The following ZFYVE1 variants were observed in gnomAD, a reference collection of about 807,000 sequenced individuals.
The protein encoded by ZFYVE1 is zinc finger FYVE-type containing 1, also known as zinc finger FYVE domain-containing protein 1.
ZFYVE1 carries 30 observed loss-of-function variants against 74.4 expected under a neutral mutation model. The observed-to-expected ratio is 0.40, with a 90% CI of 0.30 to 0.55. The LOEUF (loss-of-function observed/expected upper bound fraction) is 0.55, where lower values mean the gene tolerates loss of function less well. ZFYVE1 is among the 20% of genes least tolerant of loss of function. ZFYVE1 has a pLI of 0.42. For synonymous variants in ZFYVE1, 335 were observed against 385.1 expected (o/e 0.87, Z 1.52); for missense variants, 703 against 1,011.6 (o/e 0.69, Z 4.14).
At chr14:72,998,460 AC>A (rs1893800787) in intron 2 of ZFYVE1, 145 bp from the exon 3 acceptor site, 1 of 703,120 alleles carries the variant, frequency 1.4e-6, no homozygotes, top group African/African-American at 1.8e-5. Flanking sequence ...CCCCACCTCC[AC>A]CCTTAGCAAA....
intron 2 of ZFYVE1, 68 bp from the exon 3 acceptor site, chr14:72,998,383 G>A (rs2140368176): frequency 2.2e-6 from 3 of 1,380,410 alleles, no homozygotes; most frequent in Non-Finnish European, 1.9e-6. Context: ...CCTACAAGAA[G>A]AAGTGCTTCC....
At chr14:73,013,022 C>A (rs968958940) in intron 2 of ZFYVE1, among the ~76,000 whole-genome samples, 1 of 152,136 alleles carries the variant, frequency 6.6e-6, no homozygotes, top group South Asian at 2.1e-4. Flanking sequence ...TCTGTAACTT[C>A]ATGCCAGAAC....
intron 2 of ZFYVE1, among the ~76,000 whole-genome samples, chr14:73,023,329 AT>A (rs1395491374): frequency 0.19 from 16,898 of 86,938 alleles, 2,311 homozygotes; most frequent in Non-Finnish European, 0.24. Flanking sequence ...TATAATATAT[AT>A]TATATATGTT....
chr14:73,003,265 C>T (rs1208136868), intron 2 of ZFYVE1, among the ~76,000 whole-genome samples: 1 of 151,952 alleles, frequency 6.6e-6, no homozygotes, highest in Non-Finnish European at 1.5e-5. Context: ...GCCATGTTTG[C>T]CAGGCTGGTC....
intron 4 of ZFYVE1, among the ~76,000 whole-genome samples, chr14:72,990,863 G>A (rs1487833603): frequency 2.0e-5 from 3 of 151,480 alleles, no homozygotes; most frequent in African/African-American, 4.9e-5. Context: ...ACCACGCCCA[G>A]CTAATTTTTG....
At chr14:73,023,276 TTATATATGTTTTATATATAATATATATTA>T (rs1567366728) in intron 2 of ZFYVE1, among the ~76,000 whole-genome samples, 15 of 88,344 alleles carry the variant, frequency 1.7e-4, no homozygotes, top group Middle Eastern at 5.0e-3. Flanking sequence ...ATAATATATA[TTATATATGTTTTATATATAATATATATTA>T]TATATGTTTT....
intron 5 of ZFYVE1, among the ~76,000 whole-genome samples, chr14:72,980,512 A>T (rs1893292108): frequency 6.6e-6 from 1 of 152,038 alleles, no homozygotes; most frequent in Non-Finnish European, 1.5e-5. Context: ...CCCCATGAAC[A>T]TCAGCATCAC....
chr14:73,022,560 C>T (rs3742829), intron 2 of ZFYVE1, among the ~76,000 whole-genome samples: 39,307 of 151,978 alleles, frequency 0.26, 5,687 homozygotes, highest in African/African-American at 0.39. Context: ...ACTGGTACTT[C>T]ACAGGATTGT....
intron 2 of ZFYVE1, among the ~76,000 whole-genome samples, chr14:73,011,394 G>C (rs920142719): frequency 2.0e-5 from 3 of 152,136 alleles, no homozygotes; most frequent in African/African-American, 4.8e-5. Context: ...GGCTGAGGTG[G>C]AAGGACGGCT....
rs181511550 is a variant in ZFYVE1 at position 73,006,179 on chromosome 14, A to G, written c.484-7864T>C. On this transcript the variant is annotated intron_variant, in intron 2 of 11. Coordinates refer to ENST00000556143, the MANE Select transcript of ZFYVE1 (RefSeq NM_021260.4). ...CGTGATCCGCCCGCCTGGGCCTCCC[A>G]AAGTCCTGGGATTGTAGGCGTGAGC... 1.3e-3 allele frequency among the ~76,000 whole-genome samples: 200 copies of G among 151,404 alleles called. 4 individuals are homozygous for G. Among genetic ancestry groups the G allele is most frequent in the Admixed American group, 0.012 (186 of 15,222 alleles).
chr14:73,010,793 C>A (rs1195973147), intron 2 of ZFYVE1, among the ~76,000 whole-genome samples: 14 of 127,718 alleles, frequency 1.1e-4, no homozygotes, highest in African/African-American at 3.2e-4. Context: ...AAAAAAAAAA[C>A]CACACACAAA....
rs1893659166 is a variant in ZFYVE1 at position 72,993,130 on chromosome 14, C to A, written c.1203+13G>T. On this transcript the variant is annotated intron_variant, in intron 4 of 11. Coordinates refer to ENST00000556143, the MANE Select transcript of ZFYVE1 (RefSeq NM_021260.4). The stretch of plus-strand genomic sequence containing the variant: ...ACCCCAATGAGAAGCCCTTGGGGCA[C>A]AAGCCAACTGACCTTCAGGGCTTTG... The A allele has an allele frequency of 6.3e-7, 1 of 1,583,076 alleles. No homozygotes were observed. Among genetic ancestry groups the A allele is most frequent in the East Asian group, 2.2e-5 (1 of 44,528 alleles).
intron 2 of ZFYVE1, among the ~76,000 whole-genome samples, chr14:73,018,057 A>G (rs1008354763): frequency 2.0e-5 from 3 of 152,150 alleles, no homozygotes; most frequent in Admixed American, 1.3e-4. Context: ...CATGCCATCC[A>G]ACCTTCATTT....
Position 72,970,729 on chromosome 14 carries a change from C to G in ZFYVE1, c.*153G>C. The G allele has an allele frequency of 1.2e-6, 1 of 862,106 alleles. No homozygotes were observed. Among genetic ancestry groups the G allele is most frequent in the Non-Finnish European group, 1.8e-6 (1 of 563,338 alleles). 53.4% of individuals were successfully genotyped at this position (862,106 alleles called of 1,614,324 possible). A position where few individuals can be genotyped will look rare whatever the true frequency, so the allele number is the denominator to read the frequency against. ...GGGTCCACACCTTCGGGCCTGCCGC[C>G]AGGCTCACCCCCACTGAGGGAAAGT... On this transcript the variant is annotated 3_prime_UTR_variant, in exon 12 of 12. Coordinates refer to ENST00000556143, the MANE Select transcript of ZFYVE1 (RefSeq NM_021260.4).
chr14:73,011,990 AG>A (rs1894101428), intron 2 of ZFYVE1, among the ~76,000 whole-genome samples: 2 of 151,544 alleles, frequency 1.3e-5, no homozygotes, highest in African/African-American at 2.4e-5. Flanking sequence ...CCGAGGCAGA[AG>A]GATCATGTGA....
At chr14:72,977,885 G>A (rs774179956) in intron 8 of ZFYVE1, 42 bp downstream of exon 8, 97 of 1,592,876 alleles carry the variant, frequency 6.1e-5, no homozygotes, top group Non-Finnish European at 7.2e-5. Context: ...AAAACTGAAC[G>A]ACACAAGATA....
intron 10 of ZFYVE1, 145 bp downstream of exon 10, chr14:72,974,634 G>C: frequency 9.6e-7 from 1 of 1,039,412 alleles, no homozygotes. Context: ...TGTTAACAAG[G>C]AGCTTAGAGG....
At chr14:72,978,782 T>C in intron 6 of ZFYVE1, 79 bp downstream of exon 6, 3 of 1,160,678 alleles carry the variant, frequency 2.6e-6, no homozygotes, top group Non-Finnish European at 3.9e-6. Flanking sequence ...CAGCAAAAAA[T>C]GGCCCCAAGA....
intron 5 of ZFYVE1, among the ~76,000 whole-genome samples, chr14:72,980,628 C>T (rs1265842070): frequency 6.6e-6 from 1 of 151,854 alleles, no homozygotes; most frequent in African/African-American, 2.4e-5. Flanking sequence ...AGTGCAGTGG[C>T]GCAATCTCAG....
Sources: allele counts gnomAD v4.1 joint callset (sites outside exome capture counted in the v4.1 genomes callset), GRCh38; gene constraint gnomAD v4.1.1; transcripts MANE v1.5; gene names NCBI Gene and HGNC (gene_info 2026-07-23, HGNC 2026-07-21).